The following POU3F3 variants were observed in gnomAD, a reference collection of about 807,000 sequenced individuals.
POU3F3 encodes the protein POU domain, class 3, transcription factor 3.
Under a neutral mutation model 8.6 loss-of-function variants are expected in POU3F3, and 1 was observed. The ratio of observed to expected loss-of-function variants is 0.12; its 90% CI spans 0.04 to 0.55. The LOEUF (loss-of-function observed/expected upper bound fraction) is 0.55. Ranked by LOEUF, POU3F3 falls within the 20% of genes least tolerant of loss-of-function variation. The probability of loss-of-function intolerance (pLI) is 0.91; values close to 1 mark genes in which losing one functional copy is unlikely to be tolerated. For missense variants in POU3F3, 577 were observed against 690.7 expected, an observed-to-expected ratio of 0.84 and a Z score of 1.84; for synonymous variants, 418 against 327.4, an observed-to-expected ratio of 1.28 and a Z score of -2.99.
the POU3F3 span, among the ~76,000 whole-genome samples, chr2:104,918,584 G>A: frequency 2.8e-4 from 43 of 152,278 alleles, no homozygotes; most frequent in Non-Finnish European, 5.0e-4. Context: ...GACAGACATG[G>A]TGTGATGCCT....
chr2:104,882,218 C>A, the POU3F3 span, among the ~76,000 whole-genome samples: 3 of 147,458 alleles, frequency 2.0e-5, no homozygotes, highest in Non-Finnish European at 4.5e-5. Context: ...TTGGAAAAAT[C>A]TTTCTGGTTG....
chr2:104,893,496 A>T, the POU3F3 span, among the ~76,000 whole-genome samples: 1 of 152,230 alleles, frequency 6.6e-6, no homozygotes, highest in Non-Finnish European at 1.5e-5. Context: ...ACCTAAGGAA[A>T]AGAAACGTCT....
chr2:104,891,132 G>A, the POU3F3 span, among the ~76,000 whole-genome samples: 4 of 152,214 alleles, frequency 2.6e-5, no homozygotes, highest in South Asian at 2.1e-4. Flanking sequence ...GCAAGCAACC[G>A]GCACCACACC....
chr2:104,924,944 A>C, the POU3F3 span, among the ~76,000 whole-genome samples: 2 of 152,232 alleles, frequency 1.3e-5, no homozygotes, highest in Non-Finnish European at 2.9e-5. Flanking sequence ...AGATTTCAAA[A>C]ATAAAGTAGG....
At chr2:104,878,067 A>T in the POU3F3 span, among the ~76,000 whole-genome samples, 4 of 152,292 alleles carry the variant, frequency 2.6e-5, no homozygotes, top group South Asian at 8.3e-4. Context: ...CTGGCAGTTA[A>T]GTAATCTGGG....
At chr2:104,863,000 C>CT (rs899866507), downstream of POU3F3, among the ~76,000 whole-genome samples, 428 of 143,488 alleles carry the variant, frequency 3.0e-3, no homozygotes, top group African/African-American at 7.9e-3. Context: ...ATAGTAAATT[C>CT]TTTTTTTTTT....
chr2:104,916,543 G>C, the POU3F3 span, among the ~76,000 whole-genome samples: 4 of 152,130 alleles, frequency 2.6e-5, no homozygotes, highest in Non-Finnish European at 5.9e-5. Context: ...ACCTCTGTGG[G>C]CCTCTTTCCA....
the POU3F3 span, among the ~76,000 whole-genome samples, chr2:104,863,804 TC>T: frequency 6.6e-6 from 1 of 152,138 alleles, no homozygotes; most frequent in African/African-American, 2.4e-5. Context: ...TTCGCTCGGG[TC>T]CCCATGTGCG....
At chr2:104,923,058 A>C in the POU3F3 span, among the ~76,000 whole-genome samples, 1 of 152,236 alleles carries the variant, frequency 6.6e-6, no homozygotes, top group Non-Finnish European at 1.5e-5. Flanking sequence ...CTATTCTTTA[A>C]AAGTGAGGAC....
At chr2:104,895,884 G>A in the POU3F3 span, among the ~76,000 whole-genome samples, 1 of 152,172 alleles carries the variant, frequency 6.6e-6, no homozygotes, top group African/African-American at 2.4e-5. Flanking sequence ...GAAGACCACG[G>A]GCTAAAGGCC....
the POU3F3 span, among the ~76,000 whole-genome samples, chr2:104,915,369 G>A: frequency 2.0e-5 from 3 of 152,258 alleles, 1 homozygote; most frequent in South Asian, 6.2e-4. Context: ...TATGAGTAGT[G>A]GCCATGGATT....
the POU3F3 span, among the ~76,000 whole-genome samples, chr2:104,899,571 T>C: frequency 6.6e-6 from 1 of 152,198 alleles, no homozygotes; most frequent in Non-Finnish European, 1.5e-5. Flanking sequence ...AATGAAAATA[T>C]TGGCTTGGAG....
At chr2:104,896,077 G>A in the POU3F3 span, among the ~76,000 whole-genome samples, 48,418 of 152,056 alleles carry the variant, frequency 0.32, 7,995 homozygotes, top group Non-Finnish European at 0.38. Flanking sequence ...GCAGGAACTC[G>A]AACGTGGATA....
At chr2:104,901,830 G>C in the POU3F3 span, among the ~76,000 whole-genome samples, 2 of 152,214 alleles carry the variant, frequency 1.3e-5, no homozygotes, top group East Asian at 3.8e-4. Flanking sequence ...CGGCCAGGTT[G>C]GTGTTCCATT....
chr2:104,922,392 C>CAAA, the POU3F3 span, among the ~76,000 whole-genome samples: 36 of 70,928 alleles, frequency 5.1e-4, no homozygotes, highest in African/African-American at 1.0e-3. Flanking sequence ...TGAAGATGCT[C>CAAA]AAAAAAAAAA....
upstream of POU3F3, chr2:104,853,333 T>A (rs1676475660): frequency 6.6e-6 from 1 of 152,408 alleles, no homozygotes; most frequent in Non-Finnish European, 1.5e-5. Context: ...GGCACCGCGC[T>A]GGTCCTGGGC....
chr2:104,926,980 G>A, the POU3F3 span, among the ~76,000 whole-genome samples: 1 of 152,156 alleles, frequency 6.6e-6, no homozygotes, highest in Non-Finnish European at 1.5e-5. Flanking sequence ...GGGAGGGATA[G>A]CATTAGAAGA....
At chr2:104,922,600 T>C in the POU3F3 span, among the ~76,000 whole-genome samples, 1 of 152,048 alleles carries the variant, frequency 6.6e-6, no homozygotes, top group African/African-American at 2.4e-5. Flanking sequence ...TTAAGACGAA[T>C]GAAATTATTG....
chr2:104,899,911 G>A, the POU3F3 span, among the ~76,000 whole-genome samples: 1 of 152,214 alleles, frequency 6.6e-6, no homozygotes, highest in African/African-American at 2.4e-5. Flanking sequence ...CCACGCAGGT[G>A]AAATACACAC....
Sources: gnomAD v4.1 joint callset for allele counts (sites outside exome capture counted in the v4.1 genomes callset) on GRCh38, gnomAD v4.1.1 for gene constraint, MANE v1.5 for transcripts, NCBI Gene and HGNC (gene_info 2026-07-23, HGNC 2026-07-21) for gene names.